ENPP6: variants seen among roughly 807,000 people sequenced by gnomAD.
The protein encoded by ENPP6 is ectonucleotide pyrophosphatase/phosphodiesterase 6, also known as glycerophosphocholine cholinephosphodiesterase ENPP6.
A neutral mutation model predicts 42.0 loss-of-function variants in ENPP6; 32 were observed. That is an observed-to-expected ratio of 0.76 (90% CI 0.58 to 1.02). ENPP6 has a LOEUF of 1.02. Among genes scored for constraint, ENPP6 ranks in the 50% least tolerant of loss-of-function variants. The pLI is 0.00. For missense variants in ENPP6, 552 were observed against 566.8 expected, an observed-to-expected ratio of 0.97 and a Z score of 0.27; for synonymous variants, 213 against 216.0, an observed-to-expected ratio of 0.99 and a Z score of 0.12.
chr4:184,182,490 C>T, intron 1 of ENPP6, among the ~76,000 whole-genome samples: 1 of 152,090 alleles, frequency 6.6e-6, no homozygotes, highest in South Asian at 2.1e-4. Flanking sequence ...TACCATTTGA[C>T]CCAGGATTCC....
intron 2 of ENPP6, 53 bp downstream of exon 2, chr4:184,153,501 C>T (rs1289211978): frequency 3.2e-6 from 5 of 1,548,192 alleles, no homozygotes; most frequent in East Asian, 2.3e-5. Flanking sequence ...CACCGACTGT[C>T]CTCAGAGACT....
chr4:184,098,546 C>T (rs1271990532), intron 6 of ENPP6, among the ~76,000 whole-genome samples: 7 of 152,216 alleles, frequency 4.6e-5, no homozygotes, highest in Admixed American at 6.5e-5. Context: ...CGTTAATGAG[C>T]ACACTGGAAG....
intron 2 of ENPP6, among the ~76,000 whole-genome samples, chr4:184,125,281 G>T (rs1736483993): frequency 6.6e-6 from 1 of 152,190 alleles, no homozygotes; most frequent in South Asian, 2.1e-4. Flanking sequence ...TTTAGCCACG[G>T]CAGTGGGATG....
At chr4:184,198,439 T>A (rs1732839316) in intron 1 of ENPP6, among the ~76,000 whole-genome samples, 1 of 151,820 alleles carries the variant, frequency 6.6e-6, no homozygotes, top group African/African-American at 2.4e-5. Flanking sequence ...CTAGGGGAGG[T>A]CTCATAGATG....
chr4:184,181,612 T>C (rs535324926), intron 1 of ENPP6, among the ~76,000 whole-genome samples: 124 of 152,278 alleles, frequency 8.1e-4, no homozygotes, highest in Non-Finnish European at 1.4e-3. Context: ...CTTCAAACTA[T>C]ACTACAAGGC....
chr4:184,100,203 CTG>C (rs938018203), intron 6 of ENPP6, among the ~76,000 whole-genome samples: 35 of 152,356 alleles, frequency 2.3e-4, no homozygotes, highest in African/African-American at 7.9e-4. Flanking sequence ...GCACAGGTAA[CTG>C]TGTGGTGTAA....
chr4:184,174,135 C>CT lies in ENPP6; in HGVS notation c.242-20403dup, dbSNP rs36058407. ...AAGCTCTTAGAAGAGGTCCCAAATC[C>CT]TTTTTTTTTTTTTTTTTTCCGAGAC... On this transcript the variant is annotated intron_variant, in intron 1 of 7. Coordinates refer to ENST00000296741, the MANE Select transcript of ENPP6 (RefSeq NM_153343.4). Among the ~76,000 whole-genome samples the CT allele has an allele frequency of 5.8e-3, 765 of 130,982 alleles. 13 individuals are homozygous for CT. Among genetic ancestry groups the CT allele is most frequent in the African/African-American group, 0.017 (593 of 34,668 alleles). The allele number at this position is 130,982 out of a possible 152,430, so 85.9% of individuals were successfully genotyped here.
intron 1 of ENPP6, among the ~76,000 whole-genome samples, chr4:184,189,112 A>T (rs534282195): frequency 1.3e-4 from 20 of 152,294 alleles, no homozygotes; most frequent in African/African-American, 4.3e-4. Context: ...CCGTGCTGGG[A>T]AAGTGGATTG....
At chr4:184,191,313 G>T (rs1732710423) in intron 1 of ENPP6, among the ~76,000 whole-genome samples, 1 of 152,192 alleles carries the variant, frequency 6.6e-6, no homozygotes. Flanking sequence ...TACTTTATAG[G>T]GTTTTATGAG....
chr4:184,170,066 T>A (rs1305734812), intron 1 of ENPP6, among the ~76,000 whole-genome samples: 2 of 152,254 alleles, frequency 1.3e-5, no homozygotes, highest in African/African-American at 4.8e-5. Flanking sequence ...TTTAATATCA[T>A]TCAATACCCA....
At chr4:184,149,569 G>A (rs1237346420) in intron 2 of ENPP6, among the ~76,000 whole-genome samples, 1 of 152,158 alleles carries the variant, frequency 6.6e-6, no homozygotes, top group African/African-American at 2.4e-5. Flanking sequence ...AAGAGGCCAG[G>A]AGAAGAGCCC....
intron 1 of ENPP6, among the ~76,000 whole-genome samples, chr4:184,168,547 G>A (rs535510542): frequency 6.6e-6 from 1 of 152,360 alleles, no homozygotes; most frequent in South Asian, 2.1e-4. Flanking sequence ...CGGGGCTCCG[G>A]ACAGCAAGGA....
chr4:184,154,531 C>T (rs1206195357), intron 1 of ENPP6, among the ~76,000 whole-genome samples: 4 of 152,224 alleles, frequency 2.6e-5, no homozygotes, highest in African/African-American at 7.2e-5. Flanking sequence ...CTTCACTGAG[C>T]TCCCTAACTA....
intron 3 of ENPP6, among the ~76,000 whole-genome samples, chr4:184,122,277 T>A (rs1231364737): frequency 1.3e-5 from 2 of 152,208 alleles, no homozygotes; most frequent in African/African-American, 2.4e-5. Flanking sequence ...TACGTGGAGC[T>A]GGGCAGTATG....
At chr4:184,099,554 C>T (rs920974651) in intron 6 of ENPP6, among the ~76,000 whole-genome samples, 8 of 152,290 alleles carry the variant, frequency 5.3e-5, no homozygotes, top group Non-Finnish European at 7.3e-5. Flanking sequence ...AGTATGCAGC[C>T]GGGCAGTGTG....
chr4:184,093,950 G>A (rs1579603427), intron 7 of ENPP6, among the ~76,000 whole-genome samples: 1 of 152,128 alleles, frequency 6.6e-6, no homozygotes, highest in African/African-American at 2.4e-5. Flanking sequence ...TGAGGCAGTG[G>A]ACCAGAGTAA....
At chr4:184,155,863 A>G (rs1737150146) in intron 1 of ENPP6, among the ~76,000 whole-genome samples, 1 of 152,210 alleles carries the variant, frequency 6.6e-6, no homozygotes, top group African/African-American at 2.4e-5. Context: ...TTCAACGCAC[A>G]TATTTAGCAC....
At position 184,189,494 on chromosome 4, in the gene ENPP6, G is replaced by T. The variant is rs561274535; in HGVS notation, c.241+28085C>A. Among the ~76,000 whole-genome samples the T allele has an allele frequency of 2.0e-5, 3 of 152,298 alleles. No homozygotes were observed. In the East Asian group the frequency reaches 5.8e-4, roughly 29 times the overall value. On this transcript the variant is annotated intron_variant, in intron 1 of 7. Transcript: ENST00000296741. ...AAAAAGTAAAGGTAAGCATGGACAGGCTTCCGGTGCTAAGCAATGCTGAAG... is the reference window on the plus strand; with the variant it reads ...AAAAAGTAAAGGTAAGCATGGACAGTCTTCCGGTGCTAAGCAATGCTGAAG...
chr4:184,215,610 C>T (rs1733183831), intron 1 of ENPP6, among the ~76,000 whole-genome samples: 1 of 152,178 alleles, frequency 6.6e-6, no homozygotes, highest in African/African-American at 2.4e-5. Context: ...TGTACAGAAA[C>T]ATGAGCCTTG....
Sources: gnomAD v4.1 joint callset for allele counts (sites outside exome capture counted in the v4.1 genomes callset) on GRCh38, gnomAD v4.1.1 for gene constraint, MANE v1.5 for transcripts, NCBI Gene and HGNC (gene_info 2026-07-23, HGNC 2026-07-21) for gene names.